The following GRID2 variants were observed in gnomAD, a reference collection of about 807,000 sequenced individuals.
The protein encoded by GRID2 is glutamate receptor ionotropic, delta-2.
A neutral mutation model predicts 114.8 loss-of-function variants in GRID2; 33 were observed. That is an observed-to-expected ratio of 0.29 (90% CI 0.22 to 0.38). GRID2 has a LOEUF of 0.38. GRID2 is among the 10% of genes least tolerant of loss of function. GRID2 has a pLI of 1.00. For missense variants in GRID2, 1,184 were observed against 1,257.7 expected (o/e 0.94, Z 0.89); for synonymous variants, 505 against 449.9 (o/e 1.12, Z -1.55).
At chr4:92,940,962 C>T (rs547434526) in intron 2 of GRID2, among the ~76,000 whole-genome samples, 217 of 152,198 alleles carry the variant, frequency 1.4e-3, no homozygotes, top group Middle Eastern at 3.4e-3. Context: ...CTGCTGGATT[C>T]GGTTTGCCAG....
intron 11 of GRID2, among the ~76,000 whole-genome samples, chr4:93,478,744 G>A (rs888870672): frequency 6.6e-6 from 1 of 151,910 alleles, no homozygotes; most frequent in Non-Finnish European, 1.5e-5. Flanking sequence ...AACTAGAAAA[G>A]CACAAATAAT....
chr4:93,547,504 C>G lies in GRID2; in HGVS notation c.2193+32093C>G, dbSNP rs376909709. On this transcript the variant is annotated intron_variant, in intron 13 of 15. Coordinates refer to ENST00000282020, the MANE Select transcript of GRID2 (RefSeq NM_001510.4). ...GGACCATTCCTCTGAAATGTATGCT[C>G]TTAGTGAGATGTGACTTCACGAATG... Among the ~76,000 whole-genome samples the G allele has an allele frequency of 1.2e-4, 19 of 152,290 alleles. No homozygotes were observed. In the East Asian group the frequency reaches 3.3e-3, roughly 26 times the overall value.
At chr4:93,803,637 G>T (rs950921554) in intron 1 of GRID2, among the ~76,000 whole-genome samples, 2 of 151,934 alleles carry the variant, frequency 1.3e-5, no homozygotes, top group Admixed American at 6.6e-5. Flanking sequence ...CAGAAGAATC[G>T]CTTGAACCCA....
At chr4:92,707,633 G>A (rs983481320) in intron 2 of GRID2, among the ~76,000 whole-genome samples, 14 of 152,196 alleles carry the variant, frequency 9.2e-5, no homozygotes, top group African/African-American at 3.4e-4. Context: ...GCATTTGAGA[G>A]GAAGCCTGGT....
chr4:92,805,068 A>G (rs1188612442), intron 2 of GRID2, among the ~76,000 whole-genome samples: 1 of 152,040 alleles, frequency 6.6e-6, no homozygotes, highest in Non-Finnish European at 1.5e-5. Context: ...TATGCTCAAA[A>G]CAAGTCTAGC....
chr4:93,375,337 C>T (rs1360001971), intron 8 of GRID2, among the ~76,000 whole-genome samples: 6 of 151,532 alleles, frequency 4.0e-5, no homozygotes, highest in Non-Finnish European at 5.9e-5. Flanking sequence ...CTCAGCCTCC[C>T]GAGTAGCTGG....
rs538293671 is a variant in GRID2, at chr4:93,304,884, G to A, written c.1245+66394G>A. 1.2e-4 allele frequency among the ~76,000 whole-genome samples: 19 copies of A among 152,250 alleles called. 1 individual carries two copies. The South Asian group carries it at 3.7e-3, about 30-fold the overall frequency. On this transcript the variant is annotated intron_variant, in intron 8 of 15. Transcript: ENST00000282020. The stretch of plus-strand genomic sequence containing the variant: ...GTTAACAGAGAGTGCAATTTGATGT[G>A]TGAATAAATGAATTATTTTGCAAGA...
chr4:93,628,296 C>T (rs574550995), intron 14 of GRID2, among the ~76,000 whole-genome samples: 1 of 151,850 alleles, frequency 6.6e-6, no homozygotes, highest in South Asian at 2.1e-4. Context: ...GACCCATGCA[C>T]AAGAAACAAA....
chr4:93,653,880 T>A (rs539614503), intron 14 of GRID2, among the ~76,000 whole-genome samples: 65 of 152,232 alleles, frequency 4.3e-4, no homozygotes, highest in Middle Eastern at 3.4e-3. Context: ...ATAAAGTCAG[T>A]GAGTCTCACA....
chr4:93,040,809 G>C lies in GRID2; in HGVS notation c.245-44186G>C, dbSNP rs538522392. Among the ~76,000 whole-genome samples, 3 of 151,748 alleles carry C rather than the reference G, an allele frequency of 2.0e-5. No individual in the cohort carries two copies. In the South Asian group the frequency reaches 6.2e-4, roughly 31 times the overall value. ...TCATCTCCTTTTAGAAAGTCCCACTGTATCTGTTATAAAATTTTAAGAAAT... is the reference window on the plus strand; with the variant it reads ...TCATCTCCTTTTAGAAAGTCCCACTCTATCTGTTATAAAATTTTAAGAAAT... On this transcript the variant is annotated intron_variant, in intron 2 of 15. Transcript: ENST00000282020.
chr4:93,316,017 A>G lies in GRID2; in HGVS notation c.1245+77527A>G, dbSNP rs189256396. 5.7e-3 allele frequency among the ~76,000 whole-genome samples: 860 copies of G among 152,138 alleles called. 16 individuals carry two copies. Among genetic ancestry groups the G allele is most frequent in the Non-Finnish European group, 3.4e-3 (228 of 67,992 alleles). On this transcript the variant is annotated intron_variant, in intron 8 of 15. Coordinates refer to ENST00000282020, the MANE Select transcript of GRID2 (RefSeq NM_001510.4). ...TAAGAATGTAGTTTTTGATGAGGAGACTTGAGAAAAAGTTTGCTGCTGGAG... is the reference window on the plus strand; with the variant it reads ...TAAGAATGTAGTTTTTGATGAGGAGGCTTGAGAAAAAGTTTGCTGCTGGAG...
intron 4 of GRID2, among the ~76,000 whole-genome samples, chr4:93,121,193 T>C (rs887935938): frequency 2.6e-5 from 4 of 152,126 alleles, no homozygotes; most frequent in African/African-American, 9.7e-5. Flanking sequence ...CATTATACAA[T>C]GCACAATTTT....
intron 1 of GRID2, among the ~76,000 whole-genome samples, chr4:92,488,488 C>T (rs1437031622): frequency 6.6e-6 from 1 of 152,110 alleles, no homozygotes; most frequent in Admixed American, 6.5e-5. Context: ...GCTGAGGGAT[C>T]ATTGGGAAGC....
intron 2 of GRID2, among the ~76,000 whole-genome samples, chr4:92,794,075 G>A (rs1739726306): frequency 6.6e-6 from 1 of 151,790 alleles, no homozygotes; most frequent in South Asian, 2.1e-4. Context: ...GGAGTAAAAA[G>A]TAACATAAGA....
intron 10 of GRID2, among the ~76,000 whole-genome samples, chr4:93,439,084 G>T (rs899340606): frequency 2.0e-5 from 3 of 152,004 alleles, no homozygotes; most frequent in East Asian, 1.9e-4. Context: ...GTCTATCGTT[G>T]TTGGACATTT....
intron 13 of GRID2, among the ~76,000 whole-genome samples, chr4:93,621,872 T>A (rs2149683636): frequency 6.6e-6 from 1 of 152,340 alleles, no homozygotes; most frequent in South Asian, 2.1e-4. Flanking sequence ...AACATTAGTA[T>A]TGCAAGAGAC....
At chr4:92,615,450 T>G (rs1378382386) in intron 2 of GRID2, among the ~76,000 whole-genome samples, 1 of 151,622 alleles carries the variant, frequency 6.6e-6, no homozygotes, top group African/African-American at 2.4e-5. Flanking sequence ...CTACACTAAT[T>G]CTTTTATGGT....
chr4:92,415,354 A>C (rs2110310893), intron 1 of GRID2, among the ~76,000 whole-genome samples: 1 of 151,906 alleles, frequency 6.6e-6, no homozygotes, highest in African/African-American at 2.4e-5. Context: ...TTGGGAGAAC[A>C]GGTGGTGTTT....
At chr4:92,487,059 C>G (rs1356331602) in intron 1 of GRID2, among the ~76,000 whole-genome samples, 1 of 151,830 alleles carries the variant, frequency 6.6e-6, no homozygotes, top group Non-Finnish European at 1.5e-5. Flanking sequence ...TTTGTACATT[C>G]TCTTTTTTGT....
Sources: allele counts gnomAD v4.1 joint callset (sites outside exome capture counted in the v4.1 genomes callset), GRCh38; gene constraint gnomAD v4.1.1; transcripts MANE v1.5; gene names NCBI Gene and HGNC (gene_info 2026-07-23, HGNC 2026-07-21).